Variants in TUBGCP4 observed in about 807,000 individuals in gnomAD.
TUBGCP4 encodes the protein tubulin gamma complex component 4, also known as gamma-tubulin complex component 4.
In TUBGCP4, 54 loss-of-function variants were observed where a neutral mutation model predicts 91.6. The observed-to-expected ratio is 0.59, with a 90% CI of 0.47 to 0.74. TUBGCP4 has a LOEUF of 0.74. Ranked by LOEUF, TUBGCP4 falls within the 30% of genes least tolerant of loss-of-function variation. The pLI is 0.00. For synonymous variants in TUBGCP4, 297 were observed against 302.8 expected (o/e 0.98, Z 0.20); for missense variants, 593 against 800.9 (o/e 0.74, Z 3.13).
intron 9 of TUBGCP4, 69 bp from the exon 10 acceptor site, chr15:43,395,038 T>C (rs374091488): frequency 2.6e-6 from 4 of 1,542,788 alleles, no homozygotes; most frequent in Middle Eastern, 3.4e-4. Context: ...TGGATTTGTA[T>C]GGAACCATTC....
intron 15 of TUBGCP4, chr15:43,402,642 C>T (rs1045394935): frequency 1.3e-5 from 2 of 152,138 alleles, no homozygotes; most frequent in African/African-American, 2.4e-5. Context: ...TTTGGCTGCA[C>T]ATTGGAATCA....
chr15:43,391,390 G>T (rs138389150), intron 9 of TUBGCP4: 3 of 152,154 alleles, frequency 2.0e-5, no homozygotes, highest in African/African-American at 7.2e-5. Flanking sequence ...TTGTAGAGAC[G>T]GAGTCTCAGT....
At chr15:43,400,733 T>C (rs957908063) in intron 14 of TUBGCP4, among the ~76,000 whole-genome samples, 5 of 152,052 alleles carry the variant, frequency 3.3e-5, no homozygotes, top group African/African-American at 9.7e-5. Context: ...CTGGCCAGCA[T>C]GGTGAAACAC....
intron 8 of TUBGCP4, 38 bp downstream of exon 8, chr15:43,385,994 A>C: frequency 6.2e-7 from 1 of 1,608,568 alleles, no homozygotes; most frequent in Non-Finnish European, 8.5e-7. Flanking sequence ...CACCCTCAAA[A>C]TCTCTTCTTC....
intron 4 of TUBGCP4, 71 bp downstream of exon 4, chr15:43,377,138 G>C: frequency 7.4e-7 from 1 of 1,344,994 alleles, no homozygotes; most frequent in East Asian, 2.3e-5. Flanking sequence ...TTATGGTACT[G>C]TTTTTGAGAA....
At position 43,389,167 on chromosome 15, in the gene TUBGCP4, G is replaced by T. The variant is rs189027627; in HGVS notation, c.1014+2837G>T. 4.3e-3 allele frequency among the ~76,000 whole-genome samples: 655 copies of T among 152,216 alleles called. 5 individuals carry two copies. The highest frequency in any genetic ancestry group is 3.1e-3 in the Non-Finnish European group (212 of 68,010). The stretch of plus-strand genomic sequence containing the variant: ...CTTGTACTTTTCTGTATGTATTTTG[G>T]TACTTCAACAAAAGGTTTTAAAAAT... On this transcript the variant is annotated intron_variant, in intron 9 of 17. Coordinates refer to ENST00000564079, the MANE Select transcript of TUBGCP4 (RefSeq NM_014444.5).
intron 1 of TUBGCP4, among the ~76,000 whole-genome samples, chr15:43,373,932 G>A (rs995336011): frequency 2.0e-5 from 3 of 152,272 alleles, no homozygotes; most frequent in East Asian, 3.9e-4. Context: ...GATTACAGGC[G>A]TGAGCCACTG....
intron 9 of TUBGCP4, among the ~76,000 whole-genome samples, chr15:43,389,165 T>C (rs184184805): frequency 1.3e-5 from 2 of 152,360 alleles, no homozygotes; most frequent in Admixed American, 1.3e-4. Flanking sequence ...GTATGTATTT[T>C]GGTACTTCAA....
chr15:43,407,311 G>T lies in TUBGCP4; in HGVS notation c.*2097G>T. ...ATGCAAGGAATCCAGTTACACACAA[G>T]ACACATTTAAAACCTGGTTAAAACA... On this transcript the variant is annotated 3_prime_UTR_variant, in exon 18 of 18. Transcript: ENST00000564079. 1.5e-6 allele frequency: 2 copies of T among 1,339,946 alleles called. No homozygotes were observed. Among genetic ancestry groups the T allele is most frequent in the South Asian group, 1.3e-5 (1 of 77,312 alleles). The allele number at this position is 1,339,946 out of a possible 1,614,324, so 83.0% of individuals were successfully genotyped here.
intron 1 of TUBGCP4, 27 bp downstream of exon 1, chr15:43,371,459 C>T (rs751351375): frequency 1.2e-6 from 2 of 1,612,002 alleles, no homozygotes; most frequent in Non-Finnish European, 1.7e-6. Flanking sequence ...AGCGCGGGAA[C>T]CAGGGAGCGC....
chr15:43,398,013 C>CT, intron 12 of TUBGCP4, 28 bp from the exon 13 acceptor site: 2 of 1,589,332 alleles, frequency 1.3e-6, no homozygotes, highest in Non-Finnish European at 1.7e-6. Flanking sequence ...GTTATCTTTT[C>CT]TTTTTTTCTT....
intron 11 of TUBGCP4, among the ~76,000 whole-genome samples, chr15:43,396,491 T>C (rs1303244022): frequency 1.3e-5 from 2 of 152,220 alleles, no homozygotes; most frequent in Non-Finnish European, 2.9e-5. Context: ...AGGCTGATCA[T>C]TTTTCTAACT....
At position 43,409,350 on chromosome 15, in the gene TUBGCP4, C is replaced by G; in HGVS notation, c.*4136C>G. 1.7e-6 allele frequency: 1 copy of G among 574,982 alleles called. No individual in the cohort carries two copies. The highest frequency in any genetic ancestry group is 2.8e-5 in the East Asian group (1 of 35,502). The allele number at this position is 574,982 out of a possible 1,614,324, so 35.6% of individuals were successfully genotyped here. On this transcript the variant is annotated 3_prime_UTR_variant, in exon 18 of 18. Coordinates refer to ENST00000564079, the MANE Select transcript of TUBGCP4 (RefSeq NM_014444.5). ...GGACAACCAAAACCTATGAACTCAG[C>G]CTTTCAGGCTAAAAATCAGCAACCC...
At chr15:43,386,400 T>TTTTTTTTTTTTTTTTTTC (rs1330936603) in intron 9 of TUBGCP4, 70 bp downstream of exon 9, 3 of 148,044 alleles carry the variant, frequency 2.0e-5, no homozygotes, top group African/African-American at 9.5e-5. Flanking sequence ...TTTTTTTTTT[T>TTTTTTTTTTTTTTTTTTC]CTTAGGCAAA....
At chr15:43,381,523 G>A (rs554115422) in intron 6 of TUBGCP4, among the ~76,000 whole-genome samples, 1 of 152,242 alleles carries the variant, frequency 6.6e-6, no homozygotes, top group Non-Finnish European at 1.5e-5. Context: ...GATCGCTTGA[G>A]CCCAGGAGTT....
chr15:43,379,123 A>G (rs2142779504), intron 5 of TUBGCP4, among the ~76,000 whole-genome samples: 1 of 152,292 alleles, frequency 6.6e-6, no homozygotes, highest in African/African-American at 2.4e-5. Flanking sequence ...TAGTGTACCA[A>G]GGCTCTTCAG....
chr15:43,378,006 T>G, intron 5 of TUBGCP4, 103 bp downstream of exon 5: 1 of 854,522 alleles, frequency 1.2e-6, no homozygotes, highest in Admixed American at 2.9e-5. Context: ...TTTTAGTAGT[T>G]TTTATTTATT....
intron 11 of TUBGCP4, 28 bp downstream of exon 11, chr15:43,395,716 C>A: frequency 1.3e-6 from 2 of 1,563,708 alleles, no homozygotes; most frequent in South Asian, 2.2e-5. Context: ...TGAGAATGAT[C>A]AACTGATTGA....
At position 43,384,620 on chromosome 15, in the gene TUBGCP4, T is replaced by G. The variant is rs572633249; in HGVS notation, c.723+1116T>G. Among the ~76,000 whole-genome samples the G allele has an allele frequency of 6.8e-4, 104 of 152,304 alleles. No homozygotes were observed. In the South Asian group the frequency reaches 0.021, roughly 30 times the overall value. The stretch of plus-strand genomic sequence containing the variant: ...AAGAGATGGTGTGAGGGAGAGGTGG[T>G]ACTTGAAACTGTGTAAGTTGGTACT... On this transcript the variant is annotated intron_variant, in intron 7 of 17. Coordinates refer to ENST00000564079, the MANE Select transcript of TUBGCP4 (RefSeq NM_014444.5).
Sources: allele counts gnomAD v4.1 joint callset (sites outside exome capture counted in the v4.1 genomes callset), GRCh38; gene constraint gnomAD v4.1.1; transcripts MANE v1.5; gene names NCBI Gene and HGNC (gene_info 2026-07-23, HGNC 2026-07-21).